ZNF385D: variants seen among roughly 807,000 people sequenced by gnomAD.
ZNF385D encodes the protein zinc finger protein 659.
Under a neutral mutation model 35.8 loss-of-function variants are expected in ZNF385D, and 15 were observed. The observed-to-expected ratio is 0.42, with a 90% CI of 0.28 to 0.64. The LOEUF (loss-of-function observed/expected upper bound fraction) is 0.64, where lower values mean the gene tolerates loss of function less well. Ranked by LOEUF, ZNF385D falls within the 30% of genes least tolerant of loss-of-function variation. The probability of loss-of-function intolerance (pLI) is 0.23; values close to 1 mark genes in which losing one functional copy is unlikely to be tolerated. For synonymous variants in ZNF385D, 212 were observed against 186.8 expected (o/e 1.13, Z -1.10); for missense variants, 474 against 494.6 (o/e 0.96, Z 0.39).
At chr3:22,066,716 G>C (rs1699982400) in intron 3 of ZNF385D, among the ~76,000 whole-genome samples, 1 of 152,094 alleles carries the variant, frequency 6.6e-6, no homozygotes, top group Admixed American at 6.6e-5. Context: ...TTACTGCTAA[G>C]AAGATAAGTG....
intron 3 of ZNF385D, among the ~76,000 whole-genome samples, chr3:21,902,560 C>T (rs1409931019): frequency 2.0e-5 from 3 of 152,018 alleles, no homozygotes; most frequent in South Asian, 2.1e-4. Context: ...AGACGATAAA[C>T]GAAAAGAAAG....
chr3:21,697,054 T>G (rs2067495778), intron 1 of ZNF385D, among the ~76,000 whole-genome samples: 1 of 152,206 alleles, frequency 6.6e-6, no homozygotes, highest in Non-Finnish European at 1.5e-5. Flanking sequence ...TTAGGTTAAG[T>G]ACTTGTTCTC....
intron 2 of ZNF385D, among the ~76,000 whole-genome samples, chr3:22,211,796 G>C (rs1009065382): frequency 6.6e-6 from 1 of 151,872 alleles, no homozygotes; most frequent in African/African-American, 2.4e-5. Context: ...AGACTTTACT[G>C]AATTTCTTGT....
intron 2 of ZNF385D, among the ~76,000 whole-genome samples, chr3:22,305,688 A>G (rs550514301): frequency 6.6e-6 from 1 of 152,334 alleles, no homozygotes; most frequent in South Asian, 2.1e-4. Context: ...GGCCTAAGCA[A>G]GTCACACGGC....
intron 4 of ZNF385D, among the ~76,000 whole-genome samples, chr3:21,498,522 G>A (rs1706097027): frequency 6.6e-6 from 1 of 151,924 alleles, no homozygotes; most frequent in Non-Finnish European, 1.5e-5. Flanking sequence ...CAAAAAACAA[G>A]CAACCTCATT....
chr3:21,569,594 A>G (rs2063262733), intron 2 of ZNF385D, among the ~76,000 whole-genome samples: 1 of 148,302 alleles, frequency 6.7e-6, no homozygotes, highest in Non-Finnish European at 1.5e-5. Flanking sequence ...TGTGAATTTG[A>G]TCCTGTCATT....
intron 2 of ZNF385D, among the ~76,000 whole-genome samples, chr3:22,365,833 A>C (rs560234386): frequency 1.6e-4 from 25 of 152,244 alleles, no homozygotes; most frequent in African/African-American, 5.3e-4. Flanking sequence ...TGAAAAGATA[A>C]AGCCCCTAGA....
At chr3:22,223,630 C>A (rs1287063906) in intron 2 of ZNF385D, among the ~76,000 whole-genome samples, 1 of 152,024 alleles carries the variant, frequency 6.6e-6, no homozygotes, top group East Asian at 1.9e-4. Flanking sequence ...TAAAAGCATA[C>A]TATGCACCAG....
At chr3:21,997,678 TC>T (rs968878743) in intron 3 of ZNF385D, among the ~76,000 whole-genome samples, 2 of 152,288 alleles carry the variant, frequency 1.3e-5, no homozygotes, top group South Asian at 2.1e-4. Context: ...TTTCTCTCTT[TC>T]AAGTTATCAG....
intron 2 of ZNF385D, among the ~76,000 whole-genome samples, chr3:22,314,357 G>A (rs1284261560): frequency 1.3e-5 from 2 of 152,062 alleles, no homozygotes; most frequent in African/African-American, 4.8e-5. Context: ...CCACTTATGA[G>A]TGAGAACATT....
intron 2 of ZNF385D, among the ~76,000 whole-genome samples, chr3:21,577,627 A>G (rs1575231591): frequency 6.6e-6 from 1 of 152,180 alleles, no homozygotes; most frequent in East Asian, 1.9e-4. Flanking sequence ...ATTCCCACCA[A>G]CAGTGTATAG....
chr3:21,772,201 G>A (rs1245697470), intron 3 of ZNF385D, among the ~76,000 whole-genome samples: 2 of 151,762 alleles, frequency 1.3e-5, no homozygotes, highest in Non-Finnish European at 2.9e-5. Flanking sequence ...AAAAGGCATA[G>A]GAAATTAAAG....
chr3:21,702,732 C>G (rs961666564), intron 1 of ZNF385D, among the ~76,000 whole-genome samples: 5 of 152,218 alleles, frequency 3.3e-5, no homozygotes, highest in Admixed American at 2.6e-4. Flanking sequence ...ACCAGATACC[C>G]TAAATCATCT....
intron 3 of ZNF385D, among the ~76,000 whole-genome samples, chr3:21,952,459 G>A (rs1702108757): frequency 6.6e-6 from 1 of 151,822 alleles, no homozygotes; most frequent in South Asian, 2.1e-4. Context: ...CCTGATATCA[G>A]AATTATTAAA....
chr3:21,804,105 A>AG (rs1235510609), intron 3 of ZNF385D, among the ~76,000 whole-genome samples: 1 of 152,254 alleles, frequency 6.6e-6, no homozygotes, highest in Non-Finnish European at 1.5e-5. Context: ...TGCTGCCACA[A>AG]GGAAAAATAA....
intron 1 of ZNF385D, among the ~76,000 whole-genome samples, chr3:21,681,698 G>GAA (rs5847124): frequency 0.083 from 10,966 of 132,886 alleles, 502 homozygotes; most frequent in Non-Finnish European, 0.11. Flanking sequence ...AAAAAAAAAC[G>GAA]AAAAAAAAAA....
At chr3:22,044,981 C>G (rs1406169542) in intron 3 of ZNF385D, among the ~76,000 whole-genome samples, 1 of 152,058 alleles carries the variant, frequency 6.6e-6, no homozygotes, top group Non-Finnish European at 1.5e-5. Flanking sequence ...CCACTGCCCT[C>G]CAGCCTGGGC....
At chr3:22,148,527 G>A (rs552614387) in intron 3 of ZNF385D, among the ~76,000 whole-genome samples, 2 of 152,198 alleles carry the variant, frequency 1.3e-5, no homozygotes, top group East Asian at 1.9e-4. Context: ...TGGCATCCAT[G>A]TGGCTACAAA....
chr3:21,707,862 G>A (rs1354744429), intron 1 of ZNF385D, among the ~76,000 whole-genome samples: 1 of 152,306 alleles, frequency 6.6e-6, no homozygotes, highest in East Asian at 1.9e-4. Context: ...AATTTTAGAA[G>A]ATGAGAAGTG....
Sources: allele counts gnomAD v4.1 joint callset (sites outside exome capture counted in the v4.1 genomes callset), GRCh38; gene constraint gnomAD v4.1.1; transcripts MANE v1.5; gene names NCBI Gene and HGNC (gene_info 2026-07-23, HGNC 2026-07-21).